FNDC3A: variants seen among roughly 807,000 people sequenced by gnomAD.
FNDC3A encodes the protein fibronectin type-III domain-containing protein 3A.
In FNDC3A, 32 loss-of-function variants were observed where a neutral mutation model predicts 148.9. The observed-to-expected ratio is 0.21, with a 90% CI of 0.16 to 0.29. The LOEUF is 0.29. FNDC3A is among the 10% of genes least tolerant of loss of function. FNDC3A has a pLI of 1.00. For missense variants in FNDC3A, 1,191 were observed against 1,452.8 expected, an observed-to-expected ratio of 0.82 and a Z score of 2.93; for synonymous variants, 472 against 473.6, an observed-to-expected ratio of 1.00 and a Z score of 0.04.
chr13:49,138,980 A>G (rs1882540918), intron 7 of FNDC3A, among the ~76,000 whole-genome samples, 175 bp downstream of exon 7: 1 of 152,146 alleles, frequency 6.6e-6, no homozygotes, highest in Non-Finnish European at 1.5e-5. Context: ...CTATGTCATT[A>G]CCTGATTCTT....
chr13:49,199,322 G>A (rs934843565), intron 23 of FNDC3A, among the ~76,000 whole-genome samples: 2 of 149,506 alleles, frequency 1.3e-5, no homozygotes, highest in East Asian at 2.0e-4. Flanking sequence ...GTGCCTGACC[G>A]AAACAATTTT....
At chr13:49,156,563 A>G (rs1400611700) in intron 8 of FNDC3A, among the ~76,000 whole-genome samples, 1 of 148,906 alleles carries the variant, frequency 6.7e-6, no homozygotes, top group Non-Finnish European at 1.5e-5. Flanking sequence ...TCCTGTCATT[A>G]TGATGTTAGC....
intron 19 of FNDC3A, among the ~76,000 whole-genome samples, chr13:49,195,679 A>G (rs1251386410): frequency 2.6e-5 from 4 of 152,190 alleles, no homozygotes; most frequent in Non-Finnish European, 1.5e-5. Flanking sequence ...TAAATTAAAA[A>G]TAAATAACTT....
At chr13:49,072,120 TG>T (rs1877735481) in intron 2 of FNDC3A, among the ~76,000 whole-genome samples, 1 of 152,226 alleles carries the variant, frequency 6.6e-6, no homozygotes, top group East Asian at 1.9e-4. Flanking sequence ...ATTTTCCCAA[TG>T]TTTTTTTCTA....
chr13:49,172,030 G>T lies in FNDC3A; in HGVS notation c.1177-13G>T, dbSNP rs1249103809. ...TAATTTGTTTTCATTTTGTTTTTTG[G>T]TGTTGGTTTTAGGCACCTAGTGACA... On this transcript the variant is annotated splice_polypyrimidine_tract_variant and intron_variant, in intron 10 of 25. Transcript: ENST00000492622. 6.3e-7 allele frequency: 1 copy of T among 1,590,814 alleles called. No individual in the cohort carries two copies. Among genetic ancestry groups the T allele is most frequent in the South Asian group, 1.1e-5 (1 of 88,072 alleles).
At chr13:49,189,742 C>T (rs1442321010) in intron 17 of FNDC3A, among the ~76,000 whole-genome samples, 1 of 152,124 alleles carries the variant, frequency 6.6e-6, no homozygotes, top group Non-Finnish European at 1.5e-5. Context: ...CATAGACATG[C>T]ACAAAATCCT....
At chr13:49,149,920 G>C (rs1472949695) in intron 8 of FNDC3A, among the ~76,000 whole-genome samples, 1 of 152,168 alleles carries the variant, frequency 6.6e-6, no homozygotes. Flanking sequence ...TTGGTAGGTA[G>C]TATGTATCTA....
At chr13:49,013,230 A>T (rs1952394596) in intron 2 of FNDC3A, among the ~76,000 whole-genome samples, 1 of 152,062 alleles carries the variant, frequency 6.6e-6, no homozygotes, top group Admixed American at 6.5e-5. Flanking sequence ...TGGGAGGATC[A>T]CTTGAGCCTG....
intron 23 of FNDC3A, 66 bp downstream of exon 23, chr13:49,198,640 A>G (rs1258904723): frequency 5.3e-6 from 7 of 1,314,316 alleles, no homozygotes; most frequent in Non-Finnish European, 7.6e-6. Flanking sequence ...TTCTGTAACT[A>G]TTAGAAGTAG....
intron 4 of FNDC3A, among the ~76,000 whole-genome samples, chr13:49,122,668 AT>A (rs1881431380): frequency 6.6e-6 from 1 of 152,200 alleles, no homozygotes; most frequent in South Asian, 2.1e-4. Context: ...TACAAAATCA[AT>A]GTGCAAAAAT....
At chr13:49,053,223 T>G (rs911384974) in intron 2 of FNDC3A, among the ~76,000 whole-genome samples, 1 of 152,180 alleles carries the variant, frequency 6.6e-6, no homozygotes, top group African/African-American at 2.4e-5. Flanking sequence ...TACAGTTGCT[T>G]TAGAGGGTCT....
At chr13:49,144,166 A>G (rs1170955856) in intron 7 of FNDC3A, among the ~76,000 whole-genome samples, 1 of 152,120 alleles carries the variant, frequency 6.6e-6, no homozygotes, top group Non-Finnish European at 1.5e-5. Context: ...TTATGGGTAT[A>G]CATACATGTA....
intron 8 of FNDC3A, among the ~76,000 whole-genome samples, chr13:49,165,375 A>T (rs1468077000): frequency 6.6e-6 from 1 of 152,206 alleles, no homozygotes; most frequent in Non-Finnish European, 1.5e-5. Flanking sequence ...TGGGTAGAAC[A>T]CTTTGACTTT....
chr13:49,120,527 T>C (rs1349137627), intron 4 of FNDC3A, among the ~76,000 whole-genome samples: 2 of 152,128 alleles, frequency 1.3e-5, no homozygotes, highest in African/African-American at 2.4e-5. Flanking sequence ...AATGCCCCAA[T>C]TAAAAGACAC....
chr13:49,076,155 T>C (rs998070227), intron 3 of FNDC3A, among the ~76,000 whole-genome samples: 42 of 152,034 alleles, frequency 2.8e-4, no homozygotes, highest in African/African-American at 9.9e-4. Flanking sequence ...ATGACTGGCT[T>C]TGGAATTAGA....
intron 3 of FNDC3A, among the ~76,000 whole-genome samples, chr13:49,110,782 AAAC>A (rs1295062445): frequency 6.6e-6 from 1 of 152,230 alleles, no homozygotes; most frequent in Non-Finnish European, 1.5e-5. Context: ...TATTTAAAAA[AAAC>A]CTCTTAAATA....
At chr13:49,164,206 C>T (rs987287726) in intron 8 of FNDC3A, among the ~76,000 whole-genome samples, 2 of 152,198 alleles carry the variant, frequency 1.3e-5, no homozygotes, top group Admixed American at 1.3e-4. Flanking sequence ...ACTTTGAATA[C>T]ATCATCCCAT....
At chr13:49,158,701 T>C (rs1333882121) in intron 8 of FNDC3A, among the ~76,000 whole-genome samples, 1 of 152,264 alleles carries the variant, frequency 6.6e-6, no homozygotes, top group Non-Finnish European at 1.5e-5. Context: ...CCTATGCCTA[T>C]GTCCTGAATG....
intron 3 of FNDC3A, among the ~76,000 whole-genome samples, chr13:49,106,141 T>C (rs933615862): frequency 6.6e-6 from 1 of 152,184 alleles, no homozygotes; most frequent in African/African-American, 2.4e-5. Flanking sequence ...GTGTAGAATG[T>C]TCTTCCCTCA....
Sources: gnomAD v4.1 joint callset for allele counts (sites outside exome capture counted in the v4.1 genomes callset) on GRCh38, gnomAD v4.1.1 for gene constraint, MANE v1.5 for transcripts, NCBI Gene and HGNC (gene_info 2026-07-23, HGNC 2026-07-21) for gene names.